Variants in TAB2 observed in about 807,000 individuals in gnomAD.
The protein encoded by TAB2 is TGF-beta activated kinase 1 (MAP3K7) binding protein 2, also known as TGF-beta-activated kinase 1 and MAP3K7-binding protein 2.
A neutral mutation model predicts 65.0 loss-of-function variants in TAB2; 3 were observed. That is an observed-to-expected ratio of 0.05 (90% CI 0.02 to 0.12). The LOEUF (loss-of-function observed/expected upper bound fraction) is 0.12. Ranked by LOEUF, TAB2 falls within the 10% of genes least tolerant of loss-of-function variation. TAB2 has a pLI of 1.00. For missense variants in TAB2, 623 were observed against 840.3 expected (o/e 0.74, Z 3.20); for synonymous variants, 298 against 285.1 (o/e 1.05, Z -0.46).
upstream of TAB2, among the ~76,000 whole-genome samples, chr6:149,317,377 G>A (rs1318007563): frequency 2.6e-5 from 4 of 151,112 alleles, no homozygotes; most frequent in East Asian, 4.0e-4. The surrounding 1 kb of genome is among the most constrained non-coding windows in gnomAD (Gnocchi z 4.7). Context: ...TCGGGGGAGG[G>A]GTACAGGTCG....
At chr6:149,286,911 T>C (rs4895780) in intron 1 of TAB2, among the ~76,000 whole-genome samples, 29,011 of 151,042 alleles carry the variant, frequency 0.19, 3,000 homozygotes, top group East Asian at 0.43. Flanking sequence ...AGGTCAGGAG[T>C]TCAAGCCCAG....
intron 1 of TAB2, among the ~76,000 whole-genome samples, chr6:149,259,334 TAC>T (rs61261942): frequency 0.036 from 5,278 of 145,810 alleles, 126 homozygotes; most frequent in South Asian, 0.054. Context: ...ACGCTCCCTC[TAC>T]ACACACACAC....
intron 1 of TAB2, among the ~76,000 whole-genome samples, chr6:149,276,182 T>A (rs1028386735): frequency 6.6e-6 from 1 of 152,220 alleles, no homozygotes; most frequent in Admixed American, 6.5e-5. Context: ...AAATAAACTT[T>A]ATTTAAAATA....
chr6:149,275,269 A>AAAGG (rs1778444690), intron 1 of TAB2, among the ~76,000 whole-genome samples: 3 of 150,314 alleles, frequency 2.0e-5, no homozygotes, highest in African/African-American at 7.4e-5. Context: ...AGAAAGAAAG[A>AAAGG]AAGAAAGAAA....
intron 6 of TAB2, chr6:149,400,712 G>C (rs1453994069): frequency 1.3e-6 from 2 of 1,597,348 alleles, no homozygotes; most frequent in Non-Finnish European, 1.7e-6. Flanking sequence ...CCAGAACGCT[G>C]TTCTTTAAAG....
intron 1 of TAB2, among the ~76,000 whole-genome samples, chr6:149,358,325 A>G (rs1780735308): frequency 6.6e-6 from 1 of 150,976 alleles, no homozygotes; most frequent in African/African-American, 2.5e-5. Context: ...ATTTTACATT[A>G]TTCTGCACAT....
At chr6:149,285,744 A>C (rs1467836456) in intron 1 of TAB2, among the ~76,000 whole-genome samples, 1 of 152,212 alleles carries the variant, frequency 6.6e-6, no homozygotes, top group Non-Finnish European at 1.5e-5. Context: ...GTAGGTGGAC[A>C]AACTGACGTG....
chr6:149,312,754 T>C (rs904485240), upstream of TAB2, among the ~76,000 whole-genome samples: 1 of 152,080 alleles, frequency 6.6e-6, no homozygotes, highest in Admixed American at 6.5e-5. Context: ...GGGTGAAAAA[T>C]TCTATATATT....
chr6:149,299,246 A>G (rs1210249839), intron 1 of TAB2, among the ~76,000 whole-genome samples: 2 of 152,222 alleles, frequency 1.3e-5, no homozygotes, highest in Non-Finnish European at 2.9e-5. Flanking sequence ...ATTAGTGTCT[A>G]TTGGCCACTG....
intron 1 of TAB2, among the ~76,000 whole-genome samples, chr6:149,235,233 G>A (rs950164779): frequency 2.0e-5 from 3 of 152,220 alleles, no homozygotes; most frequent in African/African-American, 7.2e-5. Flanking sequence ...TGGGTTTACG[G>A]TTTCAATCCC....
intron 1 of TAB2, among the ~76,000 whole-genome samples, chr6:149,355,635 C>G (rs1284901331): frequency 6.7e-6 from 1 of 149,750 alleles, no homozygotes; most frequent in African/African-American, 2.5e-5. Context: ...CCATTGCACT[C>G]CATCCTGTGT....
intron 1 of TAB2, among the ~76,000 whole-genome samples, chr6:149,222,617 C>CAAAA (rs36037987): frequency 7.9e-6 from 1 of 126,404 alleles, no homozygotes; most frequent in African/African-American, 2.8e-5. Context: ...GACTCTGTCT[C>CAAAA]AAAAAAAAAA....
At chr6:149,322,289 A>G (rs73779305) in intron 1 of TAB2, among the ~76,000 whole-genome samples, 6,247 of 152,222 alleles carry the variant, frequency 0.041, 447 homozygotes, top group African/African-American at 0.14. Flanking sequence ...TAAAACGGAA[A>G]AGGGAGTTAG....
rs546373959 is a variant in TAB2, at chr6:149,334,226, T to C, written c.-90+16211T>C. On this transcript the variant is annotated intron_variant, in intron 1 of 6. Coordinates refer to ENST00000637181, the MANE Select transcript of TAB2 (RefSeq NM_001292034.3). ...AAATTCTTCATCCTCAGGTCTCCTC[T>C]CTCTTACCTTTTTTTCATTATTCCC... is the stretch of plus-strand genomic sequence containing the variant. Among the ~76,000 whole-genome samples the C allele has an allele frequency of 9.3e-4, 142 of 152,332 alleles. 1 individual carries two copies. The highest frequency in any genetic ancestry group is 1.6e-3 in the Non-Finnish European group (108 of 68,038).
At chr6:149,336,526 G>GT (rs1779940918) in intron 1 of TAB2, among the ~76,000 whole-genome samples, 1 of 152,124 alleles carries the variant, frequency 6.6e-6, no homozygotes, top group South Asian at 2.1e-4. Context: ...TAACTTAGAT[G>GT]AAGAGACACA....
Position 149,357,430 on chromosome 6 carries a change from A to AAAAACACACAC in TAB2, c.-89-12478_-89-12477insAAACACACACA. The stretch of plus-strand genomic sequence containing the variant: ...GACTCCGTCTCAAGGAGAAAAAAAA[A>AAAAACACACAC]ACACACACACACACACACACACACA... On this transcript the variant is annotated intron_variant, in intron 1 of 6. Coordinates refer to ENST00000637181, the MANE Select transcript of TAB2 (RefSeq NM_001292034.3). Among the ~76,000 whole-genome samples the AAAAACACACAC allele has an allele frequency of 2.0e-3, 218 of 111,126 alleles. 1 individual carries two copies. The highest frequency in any genetic ancestry group is 9.1e-3 in the East Asian group (29 of 3,192). The allele number at this position is 111,126 out of a possible 152,430, so 72.9% of individuals were successfully genotyped here.
At chr6:149,252,761 A>T (rs1224698577) in intron 1 of TAB2, among the ~76,000 whole-genome samples, 1 of 152,190 alleles carries the variant, frequency 6.6e-6, no homozygotes, top group Non-Finnish European at 1.5e-5. Context: ...CACTCACCAG[A>T]CAGAATATAT....
chr6:149,306,656 G>A (rs1779078696), intron 1 of TAB2, among the ~76,000 whole-genome samples: 4 of 152,118 alleles, frequency 2.6e-5, no homozygotes, highest in Admixed American at 2.6e-4. Context: ...GAAAGCTGAG[G>A]CAGGAGAATC....
chr6:149,371,021 G>A (rs1435409825), intron 2 of TAB2, among the ~76,000 whole-genome samples: 1 of 136,614 alleles, frequency 7.3e-6, no homozygotes, highest in South Asian at 2.4e-4. Context: ...AGCTGGGATC[G>A]CGCCACTACA....
Sources: allele counts gnomAD v4.1 joint callset (sites outside exome capture counted in the v4.1 genomes callset), GRCh38; gene constraint gnomAD v4.1.1; non-coding constraint Gnocchi (gnomAD v3.1); transcripts MANE v1.5; gene names NCBI Gene and HGNC (gene_info 2026-07-23, HGNC 2026-07-21).